The following FGF14 variants were observed in gnomAD, a reference collection of about 807,000 sequenced individuals.
FGF14 encodes fibroblast growth factor 14, also known as fibroblast growth factor homologous factor 4.
FGF14 carries 5 observed loss-of-function variants against 25.5 expected under a neutral mutation model. The ratio of observed to expected loss-of-function variants is 0.20; its 90% CI spans 0.10 to 0.41. FGF14 has a LOEUF of 0.41. Among genes scored for constraint, FGF14 ranks in the 10% least tolerant of loss-of-function variants. The pLI, the probability that FGF14 is intolerant of heterozygous loss-of-function variation, is 1.00. For missense variants in FGF14, 222 were observed against 320.1 expected (o/e 0.69, Z 2.34); for synonymous variants, 138 against 118.3 (o/e 1.17, Z -1.08).
At chr13:102,221,270 T>A (rs950166909) in intron 1 of FGF14, among the ~76,000 whole-genome samples, 1 of 152,166 alleles carries the variant, frequency 6.6e-6, no homozygotes, top group Non-Finnish European at 1.5e-5. Flanking sequence ...TTTTTTCAGA[T>A]GGAAATTTAA....
intron 1 of FGF14, among the ~76,000 whole-genome samples, chr13:102,108,564 G>A (rs1046543578): frequency 6.6e-6 from 1 of 152,166 alleles, no homozygotes. Flanking sequence ...CAGGTTTTAT[G>A]TCTTAATCTC....
chr13:101,884,864 TACATACACACACACAC>T (rs955873789), intron 1 of FGF14, among the ~76,000 whole-genome samples: 8 of 148,150 alleles, frequency 5.4e-5, no homozygotes, highest in Non-Finnish European at 1.2e-4. Context: ...CACAGACACA[TACATACACACACACAC>T]ACACACACAC....
At chr13:102,233,592 TGAGTGAA>T (rs2051184413) in intron 1 of FGF14, among the ~76,000 whole-genome samples, 1 of 152,184 alleles carries the variant, frequency 6.6e-6, no homozygotes, top group South Asian at 2.1e-4. Context: ...GTTAAGCAAA[TGAGTGAA>T]CTTGGGAGAT....
intron 1 of FGF14, among the ~76,000 whole-genome samples, chr13:101,950,248 A>T (rs777397786): frequency 3.3e-5 from 5 of 152,066 alleles, no homozygotes; most frequent in Non-Finnish European, 7.4e-5. Context: ...ACCCAACATA[A>T]ATTTCTAAAC....
intron 1 of FGF14, among the ~76,000 whole-genome samples, chr13:102,049,282 C>G: frequency 6.6e-6 from 1 of 152,038 alleles, no homozygotes; most frequent in Non-Finnish European, 1.5e-5. Context: ...GAGTTTTAAC[C>G]AGTCAATAAA....
Position 101,916,575 on chromosome 13 carries a change from G to T in FGF14, c.71C>A (p.Pro24Gln), listed in dbSNP as rs757752994. 1.4e-5 allele frequency: 22 copies of T among 1,609,752 alleles called. No homozygotes were observed. The highest frequency in any genetic ancestry group is 1.7e-5 in the Admixed American group (1 of 59,746). Residue 24 changes from proline to glutamine, a missense_variant, in exon 1 of 5, where the codon CCG becomes CAG. Pro to Gln is a moderately conservative substitution (Grantham distance 76, BLOSUM62 -1). Around this residue, in one of 5 missense-constraint regions of FGF14, gnomAD observed 80 missense variants for 72.2 expected, o/e 1.11. Transcript: ENST00000376143. ...GCTGCTCCGCCTCCTGCTGGCAGAC[G>T]GCCGGTCCCAGTGCTGCTCCCGCGC... ...RQAREQHWDR[P>Q]SASRRRSSPS...
rs909243333 is a variant in FGF14 at position 101,722,425 on chromosome 13, A to C, written c.*406T>G. On this transcript the variant is annotated 3_prime_UTR_variant, in exon 5 of 5. Transcript: ENST00000376143. ...ACAGCGTCTAACTAGAAATTACTCA[A>C]TATTATTTGTGTGCTACAAAATTGA... is the stretch of plus-strand genomic sequence containing the variant. The C allele has an allele frequency of 6.5e-6, 2 of 307,572 alleles. No homozygotes were observed. The highest frequency in any genetic ancestry group is 4.3e-5 in the African/African-American group (2 of 46,066). 19.1% of individuals were successfully genotyped at this position (307,572 alleles called of 1,614,324 possible).
At chr13:101,896,258 C>A (rs2030650845) in intron 1 of FGF14, among the ~76,000 whole-genome samples, 1 of 152,020 alleles carries the variant, frequency 6.6e-6, no homozygotes, top group South Asian at 2.1e-4. Context: ...TTTTCTTGCC[C>A]CAAATCAACG....
chr13:101,811,314 G>C (rs1018689310), intron 3 of FGF14, among the ~76,000 whole-genome samples: 17 of 152,046 alleles, frequency 1.1e-4, no homozygotes, highest in South Asian at 2.1e-4. Context: ...TCTTTTTCCT[G>C]TCTCTATCAT....
At chr13:102,038,965 C>T (rs781576737) in intron 1 of FGF14, among the ~76,000 whole-genome samples, 2 of 152,132 alleles carry the variant, frequency 1.3e-5, no homozygotes, top group African/African-American at 2.4e-5. Context: ...GTACCAGGTG[C>T]TGTACTACTG....
At chr13:101,861,128 T>G (rs2044394092) in intron 3 of FGF14, among the ~76,000 whole-genome samples, 1 of 152,284 alleles carries the variant, frequency 6.6e-6, no homozygotes, top group East Asian at 1.9e-4. Flanking sequence ...TATTCATCTT[T>G]GTCTCACATG....
intron 1 of FGF14, among the ~76,000 whole-genome samples, chr13:102,034,939 A>G (rs1193695761): frequency 6.6e-6 from 1 of 152,110 alleles, no homozygotes; most frequent in East Asian, 1.9e-4. Context: ...GATGTTCTTA[A>G]AAGTCAAGCA....
intron 1 of FGF14, among the ~76,000 whole-genome samples, chr13:102,337,778 G>T (rs1316407476): frequency 6.6e-6 from 1 of 152,002 alleles, no homozygotes; most frequent in Non-Finnish European, 1.5e-5. Context: ...CAACATAAAG[G>T]CGAGACTCTC....
chr13:102,137,294 T>TAAAAATA, intron 1 of FGF14, among the ~76,000 whole-genome samples: 1 of 152,352 alleles, frequency 6.6e-6, no homozygotes, highest in South Asian at 2.1e-4. Context: ...TATGACTAAA[T>TAAAAATA]AGTGTTTATT....
intron 1 of FGF14, among the ~76,000 whole-genome samples, chr13:102,201,425 T>C (rs1354384530): frequency 6.6e-6 from 1 of 152,144 alleles, no homozygotes; most frequent in Admixed American, 6.5e-5. Flanking sequence ...GCAGCTACCA[T>C]CATTTTTCAA....
At chr13:101,919,152 T>C (rs1370876376), upstream of FGF14, among the ~76,000 whole-genome samples, 2 of 152,316 alleles carry the variant, frequency 1.3e-5, no homozygotes, top group African/African-American at 2.4e-5. Context: ...AGTGTGTCTG[T>C]TGTTTTAATT....
chr13:101,798,524 A>C (rs998457314), intron 3 of FGF14, among the ~76,000 whole-genome samples: 4 of 152,122 alleles, frequency 2.6e-5, no homozygotes, highest in Admixed American at 1.3e-4. Flanking sequence ...AAAAATATCT[A>C]AACTGAATAG....
intron 1 of FGF14, among the ~76,000 whole-genome samples, chr13:102,233,727 A>G (rs562326950): frequency 3.9e-5 from 6 of 152,270 alleles, no homozygotes; most frequent in African/African-American, 1.4e-4. Context: ...ATTAGTAGAA[A>G]ACCCAGCCAC....
chr13:101,752,027 T>A (rs2037317695), intron 3 of FGF14, among the ~76,000 whole-genome samples: 1 of 152,194 alleles, frequency 6.6e-6, no homozygotes. Context: ...TTTTTTTCTA[T>A]CTGATCTATA....
Sources: gnomAD v4.1 joint callset for allele counts (sites outside exome capture counted in the v4.1 genomes callset) on GRCh38, gnomAD v4.1.1 for gene constraint, gnomAD v4.1.1 regional missense constraint, MANE v1.5 for transcripts, NCBI Gene and HGNC (gene_info 2026-07-23, HGNC 2026-07-21) for gene names.